Variants in PDE8B observed in about 807,000 individuals in gnomAD.
The protein encoded by PDE8B is phosphodiesterase 8B.
In PDE8B, 26 loss-of-function variants were observed where a neutral mutation model predicts 101.3. That is an observed-to-expected ratio of 0.26 (90% CI 0.19 to 0.36). The LOEUF is 0.36. PDE8B is among the 10% of genes least tolerant of loss of function. The pLI is 1.00. For synonymous variants in PDE8B, 424 were observed against 429.3 expected (o/e 0.99, Z 0.15); for missense variants, 810 against 1,163.1 (o/e 0.70, Z 4.42).
chr5:77,234,952 G>A (rs764938185), intron 1 of PDE8B, among the ~76,000 whole-genome samples: 5 of 152,186 alleles, frequency 3.3e-5, no homozygotes, highest in Admixed American at 1.3e-4. Context: ...CTGACACTTC[G>A]TAAATGCCTT....
At chr5:77,338,602 A>G (rs1778610136) in intron 6 of PDE8B, among the ~76,000 whole-genome samples, 1 of 152,078 alleles carries the variant, frequency 6.6e-6, no homozygotes, top group South Asian at 2.1e-4. Flanking sequence ...ACTTCACAGA[A>G]TTTTTCTAGA....
intron 1 of PDE8B, among the ~76,000 whole-genome samples, chr5:77,285,464 GAA>G (rs773411440): frequency 1.3e-5 from 2 of 152,078 alleles, no homozygotes; most frequent in Non-Finnish European, 2.9e-5. Flanking sequence ...AGTTTCTCAT[GAA>G]AATTTACCAG....
chr5:77,291,849 G>A (rs1767428491), intron 1 of PDE8B: 1 of 1,490,982 alleles, frequency 6.7e-7, no homozygotes, highest in African/African-American at 1.4e-5. Flanking sequence ...TTCGGCAGCT[G>A]TTTTTGAAGA....
the PDE8B span, chr5:77,141,945 T>C: frequency 6.6e-6 from 1 of 152,176 alleles, no homozygotes; most frequent in Non-Finnish European, 1.5e-5. Flanking sequence ...ATATATAACA[T>C]AATATATCCA....
chr5:77,261,020 C>A (rs1760472312), intron 1 of PDE8B, among the ~76,000 whole-genome samples: 1 of 152,182 alleles, frequency 6.6e-6, no homozygotes, highest in African/African-American at 2.4e-5. Flanking sequence ...AACGATTGAT[C>A]AAGACCACAC....
intron 1 of PDE8B, among the ~76,000 whole-genome samples, chr5:77,244,493 A>G (rs895686668): frequency 7.2e-5 from 11 of 151,752 alleles, no homozygotes; most frequent in Non-Finnish European, 1.3e-4. Flanking sequence ...TGAAGATGCC[A>G]TAGAGGCAAG....
At chr5:77,163,704 T>A in the PDE8B span, among the ~76,000 whole-genome samples, 2 of 152,228 alleles carry the variant, frequency 1.3e-5, no homozygotes, top group Non-Finnish European at 2.9e-5. Flanking sequence ...TTCCCCCTTT[T>A]CATAGTCTCT....
At chr5:77,227,801 C>CA (rs1752730849) in intron 1 of PDE8B, among the ~76,000 whole-genome samples, 1 of 152,206 alleles carries the variant, frequency 6.6e-6, no homozygotes, top group South Asian at 2.1e-4. Flanking sequence ...AACTGGGCAT[C>CA]AAGCACCTGC....
At chr5:77,386,263 G>A (rs1290404014) in intron 10 of PDE8B, among the ~76,000 whole-genome samples, 1 of 152,192 alleles carries the variant, frequency 6.6e-6, no homozygotes, top group Non-Finnish European at 1.5e-5. Context: ...GTTGATTTGG[G>A]GTGGAGAGTT....
At chr5:77,123,201 T>A in the PDE8B span, among the ~76,000 whole-genome samples, 1 of 151,948 alleles carries the variant, frequency 6.6e-6, no homozygotes, top group Non-Finnish European at 1.5e-5. Context: ...TGGTAGGCAA[T>A]CTCTGCAGAG....
chr5:77,264,344 T>G (rs1288571089), intron 1 of PDE8B, among the ~76,000 whole-genome samples: 5 of 152,354 alleles, frequency 3.3e-5, no homozygotes, highest in South Asian at 2.1e-4. Context: ...GAACTGCCTG[T>G]TTTGCAAAAC....
the PDE8B span, among the ~76,000 whole-genome samples, chr5:77,153,987 A>G: frequency 6.6e-6 from 1 of 152,346 alleles, no homozygotes; most frequent in African/African-American, 2.4e-5. Context: ...TTTCCAACCC[A>G]TCTGTATAAG....
At chr5:77,344,820 G>A (rs1779864814) in intron 6 of PDE8B, 33 bp from the exon 7 acceptor site, 1 of 1,330,062 alleles carries the variant, frequency 7.5e-7, no homozygotes, top group Non-Finnish European at 1.1e-6. Flanking sequence ...GGTTTTCATA[G>A]AAGAACTAAC....
At chr5:77,232,474 A>G (rs1753776669) in intron 1 of PDE8B, among the ~76,000 whole-genome samples, 1 of 152,226 alleles carries the variant, frequency 6.6e-6, no homozygotes, top group African/African-American at 2.4e-5. Flanking sequence ...ATCAAAGTGG[A>G]ATTTAGTTTA....
At chr5:77,307,864 C>T (rs1264593015) in intron 1 of PDE8B, among the ~76,000 whole-genome samples, 2 of 152,196 alleles carry the variant, frequency 1.3e-5, no homozygotes, top group East Asian at 3.8e-4. Flanking sequence ...ATGCCCCCAC[C>T]CCTGCATTTG....
intron 1 of PDE8B, among the ~76,000 whole-genome samples, chr5:77,232,559 TC>T (rs1282908436): frequency 6.6e-6 from 1 of 152,338 alleles, no homozygotes; most frequent in East Asian, 1.9e-4. Flanking sequence ...ATATATCATC[TC>T]CTTGCAGACA....
chr5:77,291,746 T>C, intron 1 of PDE8B: 1 of 1,587,010 alleles, frequency 6.3e-7, no homozygotes, highest in South Asian at 1.1e-5. Flanking sequence ...GAAGGTCTAC[T>C]TGTACTATCA....
chr5:77,298,807 CT>C (rs1309787927), intron 1 of PDE8B, among the ~76,000 whole-genome samples: 58 of 152,216 alleles, frequency 3.8e-4, no homozygotes, highest in Non-Finnish European at 7.3e-5. Flanking sequence ...TAGATTGGTG[CT>C]TCTCAAACCT....
At chr5:77,229,371 G>T (rs1753079659) in intron 1 of PDE8B, among the ~76,000 whole-genome samples, 1 of 152,210 alleles carries the variant, frequency 6.6e-6, no homozygotes, top group African/African-American at 2.4e-5. Context: ...CTGGCACGCA[G>T]ATACTGCTAT....
Sources: allele counts gnomAD v4.1 joint callset (sites outside exome capture counted in the v4.1 genomes callset), GRCh38; gene constraint gnomAD v4.1.1; transcripts MANE v1.5; gene names NCBI Gene and HGNC (gene_info 2026-07-23, HGNC 2026-07-21).